The following MGAT4C variants were observed in gnomAD, a reference collection of about 807,000 sequenced individuals.
MGAT4C encodes the protein alpha-1,3-mannosyl-glycoprotein 4-beta-N-acetylglucosaminyltransferase C.
In MGAT4C, 19 loss-of-function variants were observed where a neutral mutation model predicts 40.1. That is an observed-to-expected ratio of 0.47 (90% CI 0.33 to 0.70). MGAT4C has a LOEUF of 0.70. MGAT4C is among the 30% of genes least tolerant of loss of function. The pLI is 0.02. For synonymous variants in MGAT4C, 181 were observed against 187.1 expected (o/e 0.97, Z 0.27); for missense variants, 491 against 563.2 (o/e 0.87, Z 1.30).
At chr12:86,204,435 T>C (rs1950177582) in intron 1 of MGAT4C, among the ~76,000 whole-genome samples, 1 of 152,108 alleles carries the variant, frequency 6.6e-6, no homozygotes, top group Non-Finnish European at 1.5e-5. Context: ...AGATAAATGA[T>C]GTTAAAATGT....
intron 3 of MGAT4C, among the ~76,000 whole-genome samples, chr12:86,408,479 C>CTCTATATATATATATATATATA (rs1267344319): frequency 1.6e-5 from 1 of 63,344 alleles, no homozygotes; most frequent in African/African-American, 7.8e-5. Context: ...CTCTCTCTCT[C>CTCTATATATATATATATATATA]TATATATATA....
At chr12:86,665,200 G>A (rs1193379016) in intron 2 of MGAT4C, among the ~76,000 whole-genome samples, 1 of 152,018 alleles carries the variant, frequency 6.6e-6, no homozygotes, top group Non-Finnish European at 1.5e-5. Context: ...TAGTGTAATC[G>A]ACATAGGGGA....
intron 2 of MGAT4C, among the ~76,000 whole-genome samples, chr12:86,551,997 T>A (rs1311158703): frequency 6.9e-6 from 1 of 144,898 alleles, no homozygotes; most frequent in Non-Finnish European, 1.5e-5. Context: ...TTACCAGATG[T>A]GTAGGCACAC....
intron 4 of MGAT4C, among the ~76,000 whole-genome samples, chr12:86,321,556 G>A (rs1056493051): frequency 1.2e-4 from 19 of 152,100 alleles, no homozygotes; most frequent in Admixed American, 3.3e-4. Flanking sequence ...AATACTAGCT[G>A]AATGCTTTTA....
intron 2 of MGAT4C, among the ~76,000 whole-genome samples, chr12:86,546,856 TA>T: frequency 6.6e-6 from 1 of 151,986 alleles, no homozygotes; most frequent in East Asian, 1.9e-4. Flanking sequence ...AGATGCCGCC[TA>T]AAAGCGTCAT....
intron 2 of MGAT4C, among the ~76,000 whole-genome samples, chr12:86,566,557 T>C (rs866035615): frequency 0.01 from 1,314 of 128,294 alleles, 27 homozygotes; most frequent in East Asian, 0.037. Context: ...TATATATATA[T>C]ATATATATAT....
chr12:86,648,324 C>T (rs1452082411), intron 2 of MGAT4C, among the ~76,000 whole-genome samples: 2 of 151,920 alleles, frequency 1.3e-5, no homozygotes, highest in Non-Finnish European at 2.9e-5. Flanking sequence ...TTATAATTCA[C>T]ATAATTTTGA....
intron 1 of MGAT4C, among the ~76,000 whole-genome samples, chr12:86,086,922 A>G (rs1440951249): frequency 1.3e-5 from 2 of 152,020 alleles, no homozygotes; most frequent in African/African-American, 4.8e-5. Context: ...AACATGAGAT[A>G]CTTGTTTTCC....
intron 2 of MGAT4C, among the ~76,000 whole-genome samples, chr12:86,596,021 T>C (rs372863775): frequency 4.6e-5 from 7 of 152,096 alleles, no homozygotes; most frequent in African/African-American, 1.7e-4. Flanking sequence ...ATCCTTGTAC[T>C]ATTAATTTAC....
At chr12:86,342,055 T>C (rs1347328422) in intron 3 of MGAT4C, among the ~76,000 whole-genome samples, 2 of 151,964 alleles carry the variant, frequency 1.3e-5, no homozygotes, top group Non-Finnish European at 2.9e-5. Context: ...TCCTTCTCTC[T>C]GGGGGGGACC....
chr12:86,261,037 T>G (rs1391830831), upstream of MGAT4C, among the ~76,000 whole-genome samples: 1 of 152,060 alleles, frequency 6.6e-6, no homozygotes, highest in African/African-American at 2.4e-5. Context: ...TCATAAGTAT[T>G]AAACAGAACC....
chr12:86,189,414 A>G (rs1232279457), intron 1 of MGAT4C, among the ~76,000 whole-genome samples: 1 of 151,996 alleles, frequency 6.6e-6, no homozygotes, highest in Non-Finnish European at 1.5e-5. Flanking sequence ...TGTAAAAAAA[A>G]TCACAATAAG....
At chr12:86,141,680 T>C (rs2135740270) in intron 1 of MGAT4C, among the ~76,000 whole-genome samples, 1 of 152,262 alleles carries the variant, frequency 6.6e-6, no homozygotes, top group East Asian at 1.9e-4. Context: ...ATTAACCAAT[T>C]ACCAGCTATA....
At chr12:86,467,249 G>C (rs1338060116) in intron 2 of MGAT4C, among the ~76,000 whole-genome samples, 1 of 152,064 alleles carries the variant, frequency 6.6e-6, no homozygotes, top group Non-Finnish European at 1.5e-5. Flanking sequence ...CAAATTATTA[G>C]TATGTACATG....
chr12:86,640,640 G>T (rs1963353529), intron 2 of MGAT4C, among the ~76,000 whole-genome samples: 1 of 151,858 alleles, frequency 6.6e-6, no homozygotes, highest in Admixed American at 6.6e-5. Context: ...CTTGCCTTCT[G>T]CTAGCTTTTG....
chr12:86,813,844 T>C (rs1952526952), intron 1 of MGAT4C, among the ~76,000 whole-genome samples: 1 of 152,136 alleles, frequency 6.6e-6, no homozygotes, highest in South Asian at 2.1e-4. Flanking sequence ...TCTATTCCTA[T>C]AGAATTTTAA....
intron 3 of MGAT4C, among the ~76,000 whole-genome samples, chr12:86,393,601 G>A (rs1376054226): frequency 6.6e-6 from 1 of 152,134 alleles, no homozygotes; most frequent in Non-Finnish European, 1.5e-5. Flanking sequence ...AGATGTGGCA[G>A]ACTCTGCTAT....
intron 2 of MGAT4C, among the ~76,000 whole-genome samples, chr12:86,691,315 G>T (rs987556185): frequency 6.6e-6 from 1 of 152,184 alleles, no homozygotes; most frequent in African/African-American, 2.4e-5. Context: ...ACTCCCAAGA[G>T]AAATAATCTC....
At chr12:86,326,296 TCA>T (rs3047013) in intron 4 of MGAT4C, among the ~76,000 whole-genome samples, 27,137 of 140,462 alleles carry the variant, frequency 0.19, 2,424 homozygotes, top group Middle Eastern at 0.25. Context: ...AGTATTCTCA[TCA>T]CACACACACA....
Sources: gnomAD v4.1 joint callset for allele counts (sites outside exome capture counted in the v4.1 genomes callset) on GRCh38, gnomAD v4.1.1 for gene constraint, MANE v1.5 for transcripts, NCBI Gene and HGNC (gene_info 2026-07-23, HGNC 2026-07-21) for gene names.